NFIB: variants seen among roughly 807,000 people sequenced by gnomAD.
The protein encoded by NFIB is nuclear factor I B, also known as nuclear factor 1 B-type.
A neutral mutation model predicts 61.5 loss-of-function variants in NFIB; 11 were observed. That is an observed-to-expected ratio of 0.18 (90% confidence interval 0.11 to 0.30). The LOEUF is 0.30. Ranked by LOEUF, NFIB falls within the 10% of genes least tolerant of loss-of-function variation. NFIB has a pLI of 1.00. For missense variants in NFIB, 471 were observed against 608.9 expected, an observed-to-expected ratio of 0.77 and a Z score of 2.38; for synonymous variants, 260 against 216.5, an observed-to-expected ratio of 1.20 and a Z score of -1.76.
chr9:14,180,452 A>G (rs1483712173), intron 2 of NFIB, among the ~76,000 whole-genome samples: 1 of 152,196 alleles, frequency 6.6e-6, no homozygotes, highest in East Asian at 1.9e-4. Context: ...GCAGGTAAGG[A>G]GGAAGAGATC....
At chr9:14,312,026 T>C (rs970708624) in intron 1 of NFIB, among the ~76,000 whole-genome samples, 3 of 152,236 alleles carry the variant, frequency 2.0e-5, no homozygotes, top group Non-Finnish European at 4.4e-5. Flanking sequence ...AAAATACAAA[T>C]AGCTCAGCAA....
Position 14,229,414 on chromosome 9 carries a change from T to A in NFIB, c.563-49634A>T, listed in dbSNP as rs963529596. 2.0e-5 allele frequency among the ~76,000 whole-genome samples: 3 copies of A among 152,178 alleles called. No individual in the cohort carries two copies. The East Asian group carries it at 5.8e-4, about 29-fold the overall frequency. On this transcript the variant is annotated intron_variant, in intron 2 of 10. Transcript: ENST00000380953. ...GTACTTCTACAATAAATTCATTCAT[T>A]CAGTAGACATTAATTGAGCACCAAA...
At chr9:14,372,964 A>G (rs1197089164) in intron 1 of NFIB, among the ~76,000 whole-genome samples, 1 of 151,422 alleles carries the variant, frequency 6.6e-6, no homozygotes. Flanking sequence ...ATGAGCAAGC[A>G]TCCCTTATAC....
the NFIB span, among the ~76,000 whole-genome samples, chr9:14,476,967 T>C: frequency 1.3e-5 from 2 of 152,238 alleles, no homozygotes; most frequent in Admixed American, 1.3e-4. Flanking sequence ...TACTTCTTAT[T>C]ATATAAAGAA....
chr9:14,083,423 T>C lies in NFIB; in HGVS notation c.*4886A>G, dbSNP rs1170615953. The C allele has an allele frequency of 9.3e-6, 2 of 215,858 alleles. No individual in the cohort carries two copies. The highest frequency in any genetic ancestry group is 1.3e-4 in the East Asian group (2 of 15,112). The allele number at this position is 215,858 out of a possible 1,614,324, so 13.4% of individuals were successfully genotyped here. ...AAGGCAGCTTTCAGCTCCTTCAGCA[T>C]GGAGTAGAACATTCATTTTTGAGCT... is the stretch of plus-strand genomic sequence containing the variant. On this transcript the variant is annotated 3_prime_UTR_variant, in exon 11 of 11. Transcript: ENST00000380953.
intron 2 of NFIB, among the ~76,000 whole-genome samples, chr9:14,198,935 G>A (rs1242872206): frequency 6.6e-6 from 1 of 152,160 alleles, no homozygotes; most frequent in Non-Finnish European, 1.5e-5. Flanking sequence ...TGTGTACAGT[G>A]AATCCTAAAA....
chr9:14,503,775 T>C, the NFIB span, among the ~76,000 whole-genome samples: 19 of 152,214 alleles, frequency 1.2e-4, no homozygotes, highest in South Asian at 1.0e-3. Flanking sequence ...CTGTGGGTTG[T>C]CTCTTAACTG....
At chr9:14,255,808 A>G (rs1455647215) in intron 2 of NFIB, among the ~76,000 whole-genome samples, 1 of 152,254 alleles carries the variant, frequency 6.6e-6, no homozygotes, top group African/African-American at 2.4e-5. Context: ...AGAATCACAT[A>G]TAAGAGAAAT....
chr9:14,210,360 T>C (rs1446639112), intron 2 of NFIB, among the ~76,000 whole-genome samples: 1 of 152,104 alleles, frequency 6.6e-6, no homozygotes, highest in Non-Finnish European at 1.5e-5. Context: ...TAAAAGTTCT[T>C]TTTTACTTTA....
chr9:14,092,819 C>G (rs2034151626), intron 10 of NFIB, among the ~76,000 whole-genome samples: 1 of 152,046 alleles, frequency 6.6e-6, no homozygotes, highest in African/African-American at 2.4e-5. Context: ...AAGATACCCA[C>G]TTCTTCCTTT....
Position 14,231,131 on chromosome 9 carries a change from AAAAAAT to A in NFIB, c.563-51357_563-51352del, listed in dbSNP as rs1462607872. Among the ~76,000 whole-genome samples, 37 of 75,442 alleles carry A rather than the reference AAAAAAT, an allele frequency of 4.9e-4. No individual in the cohort carries two copies. In the South Asian group the frequency reaches 7.8e-3, roughly 16 times the overall value. 49.5% of individuals were successfully genotyped at this position (75,442 alleles called of 152,430 possible). A position where few individuals can be genotyped will look rare whatever the true frequency, so the allele number is the denominator to read the frequency against. ...AGTTTTTCCATGGGGAAAAAAAAAA[AAAAAAT>A]ATATATATATATATATATATATATA... On this transcript the variant is annotated intron_variant, in intron 2 of 10. Coordinates refer to ENST00000380953, the MANE Select transcript of NFIB (RefSeq NM_001190737.2).
At chr9:14,494,767 T>G in the NFIB span, among the ~76,000 whole-genome samples, 1 of 152,166 alleles carries the variant, frequency 6.6e-6, no homozygotes, top group East Asian at 1.9e-4. Flanking sequence ...GCACTCCCCT[T>G]GCTTCTCCTG....
rs79900330 is a variant in NFIB at position 14,114,398 on chromosome 9, C to G, written c.1385-1317G>C. 9.2e-3 allele frequency among the ~76,000 whole-genome samples: 1,395 copies of G among 152,206 alleles called. 29 individuals carry two copies. The highest frequency in any genetic ancestry group is 0.032 in the African/African-American group (1,335 of 41,530). On this transcript the variant is annotated intron_variant, in intron 9 of 10. Transcript: ENST00000380953. ...TTTTCTTTTCAACTATGAGAAAGAGCCTTCCTTGGCTTCTGTGTTTTCTTT... is the reference window on the plus strand; with the variant it reads ...TTTTCTTTTCAACTATGAGAAAGAGGCTTCCTTGGCTTCTGTGTTTTCTTT...
the NFIB span, among the ~76,000 whole-genome samples, chr9:14,414,556 A>T: frequency 7.1e-6 from 1 of 140,168 alleles, no homozygotes; most frequent in African/African-American, 2.7e-5. Context: ...GACCGTAAGT[A>T]GATGGCCTCA....
At chr9:14,491,442 C>A in the NFIB span, among the ~76,000 whole-genome samples, 1 of 152,146 alleles carries the variant, frequency 6.6e-6, no homozygotes. Context: ...GGGAAAAAAT[C>A]ATGTACCAGG....
At chr9:14,220,851 A>ACACACG (rs2051565022) in intron 2 of NFIB, among the ~76,000 whole-genome samples, 1 of 135,776 alleles carries the variant, frequency 7.4e-6, no homozygotes, top group African/African-American at 2.9e-5. Context: ...CTACACACAC[A>ACACACG]CACACACACA....
rs375953644 is a variant in NFIB at position 14,278,487 on chromosome 9, C to T, written c.562+28502G>A. Among the ~76,000 whole-genome samples, 24 of 152,170 alleles carry T rather than the reference C, an allele frequency of 1.6e-4. 1 individual carries two copies. The highest frequency in any genetic ancestry group is 1.5e-3 in the East Asian group (8 of 5,194). On this transcript the variant is annotated intron_variant, in intron 2 of 10. Transcript: ENST00000380953. ...GTCTGAAACATGTGGAAATCAAAAG[C>T]AACAGTGTACAGAAGGAAGACCATG... is the stretch of plus-strand genomic sequence containing the variant.
the NFIB span, among the ~76,000 whole-genome samples, chr9:14,480,673 G>A: frequency 2.0e-5 from 3 of 152,112 alleles, no homozygotes; most frequent in Non-Finnish European, 4.4e-5. Context: ...TTCCACGCTG[G>A]CAAATTCCCA....
the NFIB span, among the ~76,000 whole-genome samples, chr9:14,512,392 T>G: frequency 1.2e-5 from 1 of 81,624 alleles, no homozygotes; most frequent in Non-Finnish European, 2.9e-5. Context: ...TCTGCAGACT[T>G]TCATTACTAA....
Sources: allele counts gnomAD v4.1 joint callset (sites outside exome capture counted in the v4.1 genomes callset), GRCh38; gene constraint gnomAD v4.1.1; transcripts MANE v1.5; gene names NCBI Gene and HGNC (gene_info 2026-07-23, HGNC 2026-07-21).